OTUD7B: variants seen among roughly 807,000 people sequenced by gnomAD.
OTUD7B encodes the protein OTU domain-containing protein 7B.
Under a neutral mutation model 82.2 loss-of-function variants are expected in OTUD7B, and 34 were observed. That is an observed-to-expected ratio of 0.41 (90% CI 0.31 to 0.55). The LOEUF (loss-of-function observed/expected upper bound fraction) is 0.55. OTUD7B is among the 20% of genes least tolerant of loss of function. The pLI, the probability that OTUD7B is intolerant of heterozygous loss-of-function variation, is 0.20. For synonymous variants in OTUD7B, 398 were observed against 402.7 expected (o/e 0.99, Z 0.14); for missense variants, 944 against 1,062.1 (o/e 0.89, Z 1.55).
At chr1:149,999,392 T>C (rs1553784142) in intron 1 of OTUD7B, among the ~76,000 whole-genome samples, 1 of 152,188 alleles carries the variant, frequency 6.6e-6, no homozygotes, top group Non-Finnish European at 1.5e-5. Context: ...TCTCTATTCA[T>C]GTCAGTAAAC....
intron 7 of OTUD7B, among the ~76,000 whole-genome samples, chr1:149,956,968 G>A (rs963311113): frequency 6.6e-5 from 10 of 152,030 alleles, no homozygotes; most frequent in African/African-American, 1.4e-4. Flanking sequence ...GCTTCTTTGC[G>A]ATGGGTTCGA....
intron 1 of OTUD7B, among the ~76,000 whole-genome samples, chr1:150,008,408 A>G (rs1652805307): frequency 6.6e-6 from 1 of 152,210 alleles, no homozygotes; most frequent in African/African-American, 2.4e-5. Flanking sequence ...AGGGGTCTCA[A>G]AAGAAAGATT....
At chr1:149,965,447 G>A (rs777245251) in intron 5 of OTUD7B, among the ~76,000 whole-genome samples, 2 of 152,148 alleles carry the variant, frequency 1.3e-5, no homozygotes, top group Non-Finnish European at 2.9e-5. Context: ...TACAACAAAA[G>A]AATAAATATT....
At chr1:150,009,463 G>T (rs1652882577) in intron 1 of OTUD7B, among the ~76,000 whole-genome samples, 1 of 152,106 alleles carries the variant, frequency 6.6e-6, no homozygotes, top group Non-Finnish European at 1.5e-5. Context: ...AGCAGCATGT[G>T]AATTTCTAAG....
intron 1 of OTUD7B, among the ~76,000 whole-genome samples, chr1:149,997,855 A>G (rs587683982): frequency 6.6e-6 from 1 of 152,282 alleles, no homozygotes; most frequent in South Asian, 2.1e-4. Flanking sequence ...TTCTCAAGCA[A>G]TGTGATCTAG....
chr1:149,952,789 C>T (rs1648361592), intron 7 of OTUD7B, among the ~76,000 whole-genome samples: 1 of 152,182 alleles, frequency 6.6e-6, no homozygotes, highest in Non-Finnish European at 1.5e-5. Flanking sequence ...ATTTGCATTT[C>T]TCTGATGGCC....
At chr1:149,978,517 T>C (rs1414164891) in intron 1 of OTUD7B, among the ~76,000 whole-genome samples, 1 of 152,034 alleles carries the variant, frequency 6.6e-6, no homozygotes, top group African/African-American at 2.4e-5. Context: ...AAAACTAACT[T>C]AAATTAAATT....
the OTUD7B span, among the ~76,000 whole-genome samples, chr1:150,042,584 G>A: frequency 6.6e-6 from 1 of 152,010 alleles, no homozygotes; most frequent in Non-Finnish European, 1.5e-5. Context: ...TCCACCCAGA[G>A]AACTAGTCCT....
upstream of OTUD7B, among the ~76,000 whole-genome samples, chr1:150,013,510 T>C (rs1653162915): frequency 6.6e-6 from 1 of 152,198 alleles, no homozygotes; most frequent in African/African-American, 2.4e-5. Context: ...CAATATAATT[T>C]AGACCATTGG....
chr1:149,997,461 TA>T (rs1360753985), intron 1 of OTUD7B, among the ~76,000 whole-genome samples: 1 of 151,924 alleles, frequency 6.6e-6, no homozygotes, highest in Admixed American at 6.6e-5. Context: ...TTCCTTTTAC[TA>T]AAAAAAAGAC....
At chr1:150,007,828 C>T (rs1652764879) in intron 1 of OTUD7B, among the ~76,000 whole-genome samples, 1 of 152,154 alleles carries the variant, frequency 6.6e-6, no homozygotes, top group Admixed American at 6.5e-5. Flanking sequence ...AAAAAGATTC[C>T]ACAGTCTGCT....
chr1:150,024,508 T>C, the OTUD7B span, among the ~76,000 whole-genome samples: 22 of 151,542 alleles, frequency 1.5e-4, no homozygotes, highest in African/African-American at 5.3e-4. Flanking sequence ...GCATGCTATT[T>C]TTAGTGTCCT....
At chr1:150,001,642 C>A (rs1553784817) in intron 1 of OTUD7B, among the ~76,000 whole-genome samples, 1 of 152,150 alleles carries the variant, frequency 6.6e-6, no homozygotes, top group Non-Finnish European at 1.5e-5. Flanking sequence ...CTATTCTGTG[C>A]CTCCTTTCTA....
the OTUD7B span, among the ~76,000 whole-genome samples, chr1:150,029,441 T>C: frequency 2.0e-5 from 3 of 152,222 alleles, no homozygotes; most frequent in East Asian, 3.8e-4. Flanking sequence ...AGAAGACTTA[T>C]GTTTGGCACA....
At chr1:150,051,128 C>G in the OTUD7B span, among the ~76,000 whole-genome samples, 1 of 148,576 alleles carries the variant, frequency 6.7e-6, no homozygotes, top group Non-Finnish European at 1.5e-5. Context: ...ACTCGGGTGG[C>G]TGAGGCAGGA....
At chr1:150,004,610 T>G (rs587690753) in intron 1 of OTUD7B, among the ~76,000 whole-genome samples, 1 of 149,836 alleles carries the variant, frequency 6.7e-6, no homozygotes, top group Non-Finnish European at 1.5e-5. Flanking sequence ...TAAATAAATT[T>G]TATATATATA....
At chr1:149,980,084 CAG>C (rs1357633232) in intron 1 of OTUD7B, among the ~76,000 whole-genome samples, 10 of 151,920 alleles carry the variant, frequency 6.6e-5, no homozygotes, top group African/African-American at 2.4e-4. Context: ...ATTTCACAGC[CAG>C]ACAGTCTTCT....
At chr1:150,018,195 G>A in the OTUD7B span, among the ~76,000 whole-genome samples, 1 of 152,164 alleles carries the variant, frequency 6.6e-6, no homozygotes, top group South Asian at 2.1e-4. Flanking sequence ...CAAAACCTAC[G>A]AAGGGATCCA....
At chr1:149,998,904 T>C (rs988355116) in intron 1 of OTUD7B, among the ~76,000 whole-genome samples, 2 of 152,238 alleles carry the variant, frequency 1.3e-5, no homozygotes, top group Non-Finnish European at 2.9e-5. Context: ...TATATGATAT[T>C]AGATATACTG....
Sources: gnomAD v4.1 joint callset for allele counts (sites outside exome capture counted in the v4.1 genomes callset) on GRCh38, gnomAD v4.1.1 for gene constraint, MANE v1.5 for transcripts, NCBI Gene and HGNC (gene_info 2026-07-23, HGNC 2026-07-21) for gene names.